Variants in NBEA observed in about 807,000 individuals in gnomAD.
NBEA encodes lysosomal-trafficking regulator 2.
A neutral mutation model predicts 343.4 loss-of-function variants in NBEA; 44 were observed. The ratio of observed to expected loss-of-function variants is 0.13; its 90% CI spans 0.10 to 0.16. The LOEUF is 0.16. Ranked by LOEUF, NBEA falls within the 10% of genes least tolerant of loss-of-function variation. NBEA has a pLI of 1.00. For missense variants in NBEA, 2,555 were observed against 3,631.3 expected (o/e 0.70, Z 7.62); for synonymous variants, 1,175 against 1,238.7 (o/e 0.95, Z 1.08).
At chr13:35,074,622 G>T (rs2064031409) in intron 10 of NBEA, among the ~76,000 whole-genome samples, 1 of 152,020 alleles carries the variant, frequency 6.6e-6, no homozygotes, top group Non-Finnish European at 1.5e-5. Flanking sequence ...GATATTCATG[G>T]GTGTGTAGTA....
chr13:34,994,438 A>G (rs911586520), intron 1 of NBEA, among the ~76,000 whole-genome samples: 1 of 152,146 alleles, frequency 6.6e-6, no homozygotes, highest in South Asian at 2.1e-4. Flanking sequence ...AGTGAGACAG[A>G]CATAGGAATA....
At chr13:35,437,782 T>C (rs1036215138) in intron 39 of NBEA, among the ~76,000 whole-genome samples, 1 of 152,202 alleles carries the variant, frequency 6.6e-6, no homozygotes, top group Non-Finnish European at 1.5e-5. Flanking sequence ...TCTTTTTCTT[T>C]TGAGCAAATG....
At chr13:35,235,282 G>C (rs1418083948) in intron 34 of NBEA, among the ~76,000 whole-genome samples, 1 of 150,534 alleles carries the variant, frequency 6.6e-6, no homozygotes, top group Non-Finnish European at 1.5e-5. Flanking sequence ...TCTGTAACAT[G>C]TGTTACTTTA....
At chr13:35,600,169 A>G (rs2081985957) in intron 47 of NBEA, among the ~76,000 whole-genome samples, 1 of 152,202 alleles carries the variant, frequency 6.6e-6, no homozygotes, top group Non-Finnish European at 1.5e-5. Context: ...AAGATAAGCC[A>G]TTGGCTATAC....
rs531802240 is a variant in NBEA at position 35,427,849 on chromosome 13, C to T, written c.6180-4420C>T. 8.5e-4 allele frequency among the ~76,000 whole-genome samples: 129 copies of T among 152,354 alleles called. 1 individual carries two copies. The highest frequency in any genetic ancestry group is 3.0e-3 in the African/African-American group (126 of 41,596). ...TCAGCAATGGCGGGCGCCCCTTCCC[C>T]AGTCTCACTGCCACCTTGCAATTTG... On this transcript the variant is annotated intron_variant, in intron 38 of 58. Transcript: ENST00000379939.
intron 34 of NBEA, among the ~76,000 whole-genome samples, chr13:35,273,424 G>A (rs996049786): frequency 2.6e-5 from 4 of 152,052 alleles, no homozygotes; most frequent in Admixed American, 1.3e-4. Flanking sequence ...ATCTAAAATC[G>A]ACACCCTAAC....
At chr13:35,424,661 C>T (rs2044532461) in intron 38 of NBEA, among the ~76,000 whole-genome samples, 1 of 152,136 alleles carries the variant, frequency 6.6e-6, no homozygotes, top group South Asian at 2.1e-4. Flanking sequence ...ATGCTGGCCT[C>T]ATAAAATGAG....
intron 34 of NBEA, among the ~76,000 whole-genome samples, chr13:35,241,917 A>G (rs968429262): frequency 6.6e-6 from 1 of 151,884 alleles, no homozygotes; most frequent in African/African-American, 2.4e-5. Flanking sequence ...GTGGAAGGGA[A>G]AGAATGGAAC....
chr13:34,988,433 G>A, intron 1 of NBEA, among the ~76,000 whole-genome samples: 1 of 151,222 alleles, frequency 6.6e-6, no homozygotes, highest in East Asian at 1.9e-4. Context: ...GCCTTGCTGA[G>A]CTGTGGTGGG....
intron 41 of NBEA, among the ~76,000 whole-genome samples, chr13:35,515,737 A>G (rs1026081142): frequency 1.6e-5 from 2 of 127,156 alleles, no homozygotes; most frequent in African/African-American, 5.9e-5. Flanking sequence ...TTTCCCTTTC[A>G]TGTAGTAACT....
intron 1 of NBEA, among the ~76,000 whole-genome samples, chr13:34,969,782 T>TA (rs1405488928): frequency 6.6e-6 from 1 of 151,968 alleles, no homozygotes. Context: ...TTTTTTTTTT[T>TA]ATCCAGTCTA....
chr13:35,434,251 A>T (rs2045292135), intron 39 of NBEA, among the ~76,000 whole-genome samples: 1 of 152,204 alleles, frequency 6.6e-6, no homozygotes, highest in South Asian at 2.1e-4. Context: ...TTAATAAAAT[A>T]GTAACTATTG....
At chr13:35,064,325 A>G (rs2063570010) in intron 8 of NBEA, among the ~76,000 whole-genome samples, 1 of 151,958 alleles carries the variant, frequency 6.6e-6, no homozygotes, top group Non-Finnish European at 1.5e-5. Flanking sequence ...AATAAGGAGA[A>G]AAAGCAGGAG....
At chr13:35,660,914 A>G (rs1335981381) in intron 55 of NBEA, among the ~76,000 whole-genome samples, 3 of 152,166 alleles carry the variant, frequency 2.0e-5, no homozygotes, top group Non-Finnish European at 4.4e-5. Context: ...CATATGCAAT[A>G]GTTCTCACCT....
At chr13:34,983,893 A>C (rs2060451197) in intron 1 of NBEA, among the ~76,000 whole-genome samples, 1 of 152,008 alleles carries the variant, frequency 6.6e-6, no homozygotes, top group African/African-American at 2.4e-5. Flanking sequence ...AATTTGTTTA[A>C]GTTCTTTGTA....
Position 35,599,658 on chromosome 13 carries a change from G to A in NBEA, c.7296+6211G>A, listed in dbSNP as rs529214976. ...AAGCCTTGCAGTGTCACCTTGTCAC[G>A]TTCTGTGTGTTGAAACAAGCCAGGC... On this transcript the variant is annotated intron_variant, in intron 47 of 58. Coordinates refer to ENST00000379939, the MANE Select transcript of NBEA (RefSeq NM_001385012.1). 4.6e-5 allele frequency among the ~76,000 whole-genome samples: 7 copies of A among 152,294 alleles called. No homozygotes were observed. In the South Asian group the frequency reaches 1.0e-3, roughly 23 times the overall value.
intron 1 of NBEA, among the ~76,000 whole-genome samples, chr13:35,039,836 T>C (rs572531407): frequency 4.6e-5 from 7 of 152,280 alleles, no homozygotes; most frequent in African/African-American, 1.7e-4. Context: ...CTTCCTCTTT[T>C]CTCATCTACT....
At chr13:35,167,459 AT>A (rs1397740536) in intron 24 of NBEA, among the ~76,000 whole-genome samples, 1 of 149,306 alleles carries the variant, frequency 6.7e-6, no homozygotes, top group Non-Finnish European at 1.5e-5. Flanking sequence ...ACATATATAT[AT>A]TGTTTATAAT....
At chr13:35,099,025 CTTT>C (rs35150346) in intron 11 of NBEA, among the ~76,000 whole-genome samples, 3 of 125,854 alleles carry the variant, frequency 2.4e-5, no homozygotes, top group Admixed American at 8.3e-5. Flanking sequence ...TTCACTTAGA[CTTT>C]TTTTTTTTTT....
Sources: allele counts gnomAD v4.1 joint callset (sites outside exome capture counted in the v4.1 genomes callset), GRCh38; gene constraint gnomAD v4.1.1; transcripts MANE v1.5; gene names NCBI Gene and HGNC (gene_info 2026-07-23, HGNC 2026-07-21).